Variants in COBLL1 observed in about 807,000 individuals in gnomAD.
COBLL1 encodes cordon-bleu protein-like 1.
COBLL1 carries 50 observed loss-of-function variants against 94.8 expected under a neutral mutation model. The ratio of observed to expected loss-of-function variants is 0.53; its 90% confidence interval spans 0.42 to 0.67. The LOEUF is 0.67. Among genes scored for constraint, COBLL1 ranks in the 30% least tolerant of loss-of-function variants. The pLI, the probability that COBLL1 is intolerant of heterozygous loss-of-function variation, is 0.00. For synonymous variants in COBLL1, 448 were observed against 473.8 expected (o/e 0.95, Z 0.71); for missense variants, 1,362 against 1,348.7 (o/e 1.01, Z -0.15).
At chr2:164,721,921 A>G in intron 7 of COBLL1, 154 bp downstream of exon 7, 1 of 514,282 alleles carries the variant, frequency 1.9e-6, no homozygotes. Context: ...AGAATGAGCT[A>G]TTCATCTTAT....
chr2:164,824,112 T>C (rs183943377), intron 2 of COBLL1, among the ~76,000 whole-genome samples: 160 of 152,348 alleles, frequency 1.1e-3, no homozygotes, highest in African/African-American at 3.7e-3. Context: ...CCGGGCGCAG[T>C]GGCTCATGCC....
intron 2 of COBLL1, among the ~76,000 whole-genome samples, chr2:164,780,849 G>C (rs184422477): frequency 2.6e-5 from 4 of 152,142 alleles, no homozygotes; most frequent in Non-Finnish European, 4.4e-5. Context: ...GACTGCTGTC[G>C]CCTTGTGAGG....
At chr2:164,797,014 C>T (rs545019336) in intron 2 of COBLL1, among the ~76,000 whole-genome samples, 2 of 152,166 alleles carry the variant, frequency 1.3e-5, no homozygotes, top group East Asian at 3.9e-4. Flanking sequence ...GATTTAGTGT[C>T]AATAAAATTA....
chr2:164,679,938 T>A (rs1290428692), downstream of COBLL1, among the ~76,000 whole-genome samples: 2 of 148,784 alleles, frequency 1.3e-5, no homozygotes, highest in Middle Eastern at 3.5e-3. Context: ...AATATAAATA[T>A]AAATAATAAT....
Position 164,694,696 on chromosome 2 carries a change from A to C in COBLL1, c.2696T>G (p.Leu899Arg), listed in dbSNP as rs1683814511. 1 of 1,613,642 alleles carries C rather than the reference A, an allele frequency of 6.2e-7. No individual in the cohort carries two copies. The change falls in exon 12 of 14, where the codon CTG becomes CGG. Residue 899 changes from leucine to arginine, a missense_variant. Physicochemically the swap from Leu to Arg is moderately radical, Grantham distance 102. Coordinates refer to ENST00000652658, the MANE Select transcript of COBLL1 (RefSeq NM_001365672.2). ...HAAPNPAPKE[L>R]TNKEAERDML... The stretch of plus-strand genomic sequence containing the variant: ...ATCCCTTTCTGCCTCTTTATTTGTC[A>C]GTTCTTTTGGAGCAGGATTAGGGGC...
At chr2:164,724,223 T>C (rs755292694) in intron 5 of COBLL1, 19 of 152,188 alleles carry the variant, frequency 1.2e-4, no homozygotes, top group Non-Finnish European at 2.5e-4. Context: ...AACTAAGATG[T>C]AGACAAAGAT....
rs557363635 is a variant in COBLL1 at position 164,763,927 on chromosome 2, C to T, written c.42-20052G>A. ...TTTCTTTATGTTTGAGACAGGGTCT[C>T]GCTCTATCATCCAGGCTGGAGTGCA... On this transcript the variant is annotated intron_variant, in intron 2 of 13. Coordinates refer to ENST00000652658, the MANE Select transcript of COBLL1 (RefSeq NM_001365672.2). 4.6e-5 allele frequency among the ~76,000 whole-genome samples: 7 copies of T among 152,282 alleles called. No individual in the cohort carries two copies. In the East Asian group the frequency reaches 5.8e-4, roughly 13 times the overall value.
At chr2:164,815,242 T>C (rs1684667048) in intron 2 of COBLL1, among the ~76,000 whole-genome samples, 1 of 151,852 alleles carries the variant, frequency 6.6e-6, no homozygotes, top group African/African-American at 2.4e-5. Context: ...CTACTAAAAA[T>C]ACAAAAATTA....
chr2:164,730,929 A>C (rs1009365200), intron 3 of COBLL1, among the ~76,000 whole-genome samples: 2 of 152,212 alleles, frequency 1.3e-5, no homozygotes, highest in African/African-American at 4.8e-5. Flanking sequence ...AAGGTTATGA[A>C]TATTCTCTAG....
chr2:164,815,543 A>G (rs1214716935), intron 2 of COBLL1, among the ~76,000 whole-genome samples: 2 of 152,218 alleles, frequency 1.3e-5, no homozygotes, highest in Non-Finnish European at 2.9e-5. Flanking sequence ...ATCTCAGTTA[A>G]GAAAATTGTA....
intron 12 of COBLL1, 143 bp from the exon 13 acceptor site, chr2:164,692,540 C>T (rs1375017182): frequency 1.6e-6 from 1 of 622,174 alleles, no homozygotes. Context: ...TTTCCTCACC[C>T]ACTGAATTAT....
intron 10 of COBLL1, among the ~76,000 whole-genome samples, chr2:164,700,213 A>C (rs953439057): frequency 6.6e-6 from 1 of 152,168 alleles, no homozygotes; most frequent in African/African-American, 2.4e-5. Context: ...TAAATATTAC[A>C]TATAGGTCAC....
intron 13 of COBLL1, among the ~76,000 whole-genome samples, chr2:164,688,156 TACA>T (rs1237222805): frequency 1.3e-5 from 2 of 152,212 alleles, no homozygotes; most frequent in African/African-American, 4.8e-5. Context: ...TAAATACATT[TACA>T]TACTACAGAA....
Position 164,741,938 on chromosome 2 carries a change from G to A in COBLL1, c.230+1749C>T, listed in dbSNP as rs544973072. 2.6e-5 allele frequency among the ~76,000 whole-genome samples: 4 copies of A among 152,266 alleles called. No individual in the cohort carries two copies. The South Asian group carries it at 8.3e-4, about 32-fold the overall frequency. On this transcript the variant is annotated intron_variant, in intron 3 of 13. Coordinates refer to ENST00000652658, the MANE Select transcript of COBLL1 (RefSeq NM_001365672.2). ...AGTTAAAGAGAAAGTGGATAAGCTA[G>A]ATGTTTAAAAAGCTGGTATTCAAAT...
intron 2 of COBLL1, among the ~76,000 whole-genome samples, chr2:164,797,663 T>C (rs912470419): frequency 4.6e-5 from 7 of 152,200 alleles, no homozygotes; most frequent in Non-Finnish European, 7.3e-5. Flanking sequence ...AATACCATCT[T>C]GTTTTTTCAA....
chr2:164,818,706 A>G (rs537060932), intron 2 of COBLL1, among the ~76,000 whole-genome samples: 1 of 136,842 alleles, frequency 7.3e-6, no homozygotes, highest in Non-Finnish European at 1.6e-5. Flanking sequence ...ACTTATGTAA[A>G]CATATATAGT....
intron 2 of COBLL1, among the ~76,000 whole-genome samples, chr2:164,800,138 ACAAG>A (rs1683689185): frequency 6.6e-6 from 1 of 152,232 alleles, no homozygotes; most frequent in Non-Finnish European, 1.5e-5. Context: ...AATAAAAAAG[ACAAG>A]CAACAGTCTA....
At position 164,722,186 on chromosome 2, in the gene COBLL1, A is replaced by C. The variant is rs755990037; in HGVS notation, c.885T>G (p.Ala295=). The C allele has an allele frequency of 4.3e-6, 7 of 1,614,094 alleles. No individual in the cohort carries two copies. The East Asian group carries it at 1.6e-4, about 36-fold the overall frequency. Residue 295 remains alanine (A), a synonymous_variant, in exon 7 of 14, where the codon GCT becomes GCG. Transcript: ENST00000652658. Reference sequence around the variant, plus strand: ...GAGATGCTGGCATCGGGGGCAGTGGAGCCCGCCTCTTCTTGGGTGCATCCG... The same window carrying C: ...GAGATGCTGGCATCGGGGGCAGTGGCGCCCGCCTCTTCTTGGGTGCATCCG... ...LPSDAPKKRR[A]PLPPMPASQS...
chr2:164,777,331 T>TAG (rs112644375), intron 2 of COBLL1, among the ~76,000 whole-genome samples: 1 of 149,072 alleles, frequency 6.7e-6, no homozygotes, highest in Non-Finnish European at 1.5e-5. Context: ...AATCATGAGT[T>TAG]ACACACACAC....
Sources: gnomAD v4.1 joint callset for allele counts (sites outside exome capture counted in the v4.1 genomes callset) on GRCh38, gnomAD v4.1.1 for gene constraint, MANE v1.5 for transcripts, NCBI Gene and HGNC (gene_info 2026-07-23, HGNC 2026-07-21) for gene names.